The following AKT3 variants were observed in gnomAD, a reference collection of about 807,000 sequenced individuals.
AKT3 encodes the protein RAC-gamma serine/threonine-protein kinase.
A neutral mutation model predicts 65.3 loss-of-function variants in AKT3; 15 were observed. The observed-to-expected ratio is 0.23, with a 90% confidence interval of 0.15 to 0.35. The LOEUF is 0.35. Among genes scored for constraint, AKT3 ranks in the 10% least tolerant of loss-of-function variants. The pLI, the probability that AKT3 is intolerant of heterozygous loss-of-function variation, is 1.00. For missense variants in AKT3, 243 were observed against 576.5 expected, an observed-to-expected ratio of 0.42 and a Z score of 5.92; for synonymous variants, 206 against 183.8, an observed-to-expected ratio of 1.12 and a Z score of -0.98.
chr1:243,569,790 T>C (rs867211732), intron 9 of AKT3, among the ~76,000 whole-genome samples: 1 of 152,236 alleles, frequency 6.6e-6, no homozygotes, highest in Non-Finnish European at 1.5e-5. Context: ...AATATAGTTA[T>C]ATTCACCTTT....
intron 2 of AKT3, chr1:243,735,201 T>A (rs1305437546): frequency 6.6e-6 from 1 of 152,236 alleles, no homozygotes; most frequent in Non-Finnish European, 1.5e-5. Flanking sequence ...CACGGTCATT[T>A]ATTATCATTA....
chr1:243,790,944 A>T (rs1691594683), intron 2 of AKT3, among the ~76,000 whole-genome samples: 1 of 152,192 alleles, frequency 6.6e-6, no homozygotes, highest in Non-Finnish European at 1.5e-5. Context: ...AACATCAAAG[A>T]TCACTGATCA....
At chr1:243,655,608 C>G (rs1681717924) in intron 4 of AKT3, among the ~76,000 whole-genome samples, 1 of 152,066 alleles carries the variant, frequency 6.6e-6, no homozygotes, top group African/African-American at 2.4e-5. Context: ...TTAGCAAGCT[C>G]CTAGAAAACT....
chr1:243,738,672 T>C (rs531557521), intron 2 of AKT3, among the ~76,000 whole-genome samples: 2 of 152,308 alleles, frequency 1.3e-5, no homozygotes, highest in East Asian at 3.9e-4. Context: ...GATGAACAGA[T>C]AATGACACGG....
intron 2 of AKT3, among the ~76,000 whole-genome samples, chr1:243,827,749 C>A (rs1250295961): frequency 6.6e-6 from 1 of 152,042 alleles, no homozygotes; most frequent in African/African-American, 2.4e-5. Context: ...AATATAGGAG[C>A]AGTATCATAA....
At chr1:243,562,160 T>G (rs2148484832) in intron 10 of AKT3, among the ~76,000 whole-genome samples, 1 of 152,166 alleles carries the variant, frequency 6.6e-6, no homozygotes, top group East Asian at 1.9e-4. Context: ...AGGAATGAAA[T>G]AAGTATAACA....
intron 2 of AKT3, among the ~76,000 whole-genome samples, chr1:243,818,777 A>G (rs1348590627): frequency 6.6e-6 from 1 of 152,104 alleles, no homozygotes; most frequent in Non-Finnish European, 1.5e-5. Context: ...TCCCACCAAG[A>G]ACAAAAAAGG....
At chr1:243,819,981 C>T (rs192646125) in intron 2 of AKT3, among the ~76,000 whole-genome samples, 25 of 152,256 alleles carry the variant, frequency 1.6e-4, no homozygotes, top group Admixed American at 1.3e-3. Context: ...TGCAGTGGCA[C>T]GATCTTGGCT....
chr1:243,664,789 T>C lies in AKT3; in HGVS notation c.267A>G (p.Val89=), dbSNP rs768880967. 2.6e-6 allele frequency: 4 copies of C among 1,531,416 alleles called. No individual in the cohort carries two copies. The highest frequency in any genetic ancestry group is 2.6e-6 in the Non-Finnish European group (3 of 1,141,726). The allele number at this position is 1,531,416 out of a possible 1,614,324, so 94.9% of individuals were successfully genotyped here. ...TTTCTTACCTTTCCTCTGGAGTATCTACATGAAATGTTCTCTCTATAACAG... is the reference window on the plus strand; with the variant it reads ...TTTCTTACCTTTCCTCTGGAGTATCCACATGAAATGTTCTCTCTATAACAG... ...WTTVIERTFH[V]DTPEEREEWT... Residue 89 remains valine (V), a synonymous_variant, in exon 4 of 14, where the codon GTA becomes GTG. Coordinates refer to ENST00000673466, the MANE Select transcript of AKT3 (RefSeq NM_005465.7).
At chr1:243,788,652 T>C (rs1461853879) in intron 2 of AKT3, 1 of 152,250 alleles carries the variant, frequency 6.6e-6, no homozygotes, top group Admixed American at 6.5e-5. Context: ...ATGTTTACAC[T>C]ATACTATAGT....
intron 2 of AKT3, among the ~76,000 whole-genome samples, chr1:243,791,441 T>C (rs1435834828): frequency 6.6e-6 from 1 of 152,074 alleles, no homozygotes; most frequent in African/African-American, 2.4e-5. Flanking sequence ...ATTAAGTCCA[T>C]CCTCAAAAAC....
chr1:243,743,639 AAAATTTTTTTAGTACTC>A (rs1227910676), intron 2 of AKT3, among the ~76,000 whole-genome samples: 7 of 152,232 alleles, frequency 4.6e-5, no homozygotes, highest in Non-Finnish European at 1.0e-4. Context: ...CAAGTGTCAT[AAAATTTTTTTAGTACTC>A]CAAATGAATA....
intron 8 of AKT3, among the ~76,000 whole-genome samples, chr1:243,607,526 C>T (rs1371527843): frequency 6.6e-6 from 1 of 152,134 alleles, no homozygotes; most frequent in Admixed American, 6.5e-5. Flanking sequence ...AATGCCTGTA[C>T]CCCCATTGTA....
At chr1:243,695,785 T>A in intron 2 of AKT3, 69 bp from the exon 3 acceptor site, 1 of 1,412,492 alleles carries the variant, frequency 7.1e-7, no homozygotes, top group East Asian at 2.5e-5. Context: ...AAAAATAAAT[T>A]ATGGTACAAT....
intron 8 of AKT3, chr1:243,612,702 T>G (rs1253130038): frequency 2.0e-5 from 3 of 152,602 alleles, no homozygotes; most frequent in African/African-American, 7.2e-5. Flanking sequence ...AATGTGCTAA[T>G]AAAAATATTA....
intron 2 of AKT3, among the ~76,000 whole-genome samples, chr1:243,745,666 G>A (rs373940129): frequency 5.9e-5 from 9 of 152,180 alleles, no homozygotes; most frequent in South Asian, 2.1e-4. Flanking sequence ...CACAATTCAC[G>A]AGCTTAAAAC....
chr1:243,642,293 C>G (rs1680451057), intron 5 of AKT3, among the ~76,000 whole-genome samples: 1 of 152,160 alleles, frequency 6.6e-6, no homozygotes. Context: ...GAAAAAGATA[C>G]AGTAAGTCCT....
chr1:243,721,440 A>G (rs1428494479), intron 2 of AKT3, among the ~76,000 whole-genome samples: 1 of 152,202 alleles, frequency 6.6e-6, no homozygotes, highest in Non-Finnish European at 1.5e-5. Context: ...CTAAGCACTG[A>G]AAAATGGATA....
chr1:243,709,880 CAAAA>C (rs918453197), intron 2 of AKT3, among the ~76,000 whole-genome samples: 1 of 151,776 alleles, frequency 6.6e-6, no homozygotes, highest in South Asian at 2.1e-4. Flanking sequence ...CTTGCTTGGC[CAAAA>C]AAATAGACAA....
Sources: gnomAD v4.1 joint callset for allele counts (sites outside exome capture counted in the v4.1 genomes callset) on GRCh38, gnomAD v4.1.1 for gene constraint, MANE v1.5 for transcripts, NCBI Gene and HGNC (gene_info 2026-07-23, HGNC 2026-07-21) for gene names.